CCDC171: variants seen among roughly 807,000 people sequenced by gnomAD.
CCDC171 encodes coiled-coil domain containing 171, also known as coiled-coil domain-containing protein 171.
A neutral mutation model predicts 168.2 loss-of-function variants in CCDC171; 177 were observed. The ratio of observed to expected loss-of-function variants is 1.05; its 90% confidence interval spans 0.93 to 1.19. The LOEUF is 1.19. CCDC171 is among the 50% of genes most tolerant of loss of function. The pLI is 0.00. For synonymous variants in CCDC171, 687 were observed against 540.8 expected, an observed-to-expected ratio of 1.27 and a Z score of -3.75; for missense variants, 1,991 against 1,539.0, an observed-to-expected ratio of 1.29 and a Z score of -4.91.
chr9:15,606,141 A>C (rs2043211036), intron 6 of CCDC171, among the ~76,000 whole-genome samples: 1 of 152,208 alleles, frequency 6.6e-6, no homozygotes. Flanking sequence ...CTCCCACTCT[A>C]AATATCTTAT....
chr9:15,717,632 G>C (rs2134130470), intron 11 of CCDC171, among the ~76,000 whole-genome samples: 1 of 152,302 alleles, frequency 6.6e-6, no homozygotes, highest in South Asian at 2.1e-4. Flanking sequence ...CTTGCAACTT[G>C]GATACCAGCT....
chr9:15,697,854 C>T (rs564504384), intron 11 of CCDC171, among the ~76,000 whole-genome samples: 1 of 152,078 alleles, frequency 6.6e-6, no homozygotes, highest in South Asian at 2.1e-4. Flanking sequence ...TTTTTGTTAC[C>T]TAAAAAATGG....
intron 24 of CCDC171, among the ~76,000 whole-genome samples, chr9:15,887,135 G>T (rs1000715217): frequency 7.2e-5 from 11 of 152,070 alleles, no homozygotes; most frequent in Admixed American, 6.6e-4. Flanking sequence ...ACAAAAGAGG[G>T]TAACTCTGTG....
In CCDC171 at chr9:15,689,080, C is replaced by A. The variant is rs565491559; in HGVS notation, c.1216-6155C>A. 2.7e-3 allele frequency among the ~76,000 whole-genome samples: 403 copies of A among 151,824 alleles called. 1 individual carries two copies. The highest frequency in any genetic ancestry group is 9.5e-3 in the African/African-American group (394 of 41,374). ...TTTCTGTAACTAGCAATGAGCATTC[C>A]AAAAATAAAATTAAGGAAACAATTC... is the stretch of plus-strand genomic sequence containing the variant. On this transcript the variant is annotated intron_variant, in intron 10 of 25. Transcript: ENST00000380701.
At chr9:16,079,090 C>T in the CCDC171 span, among the ~76,000 whole-genome samples, 1 of 152,282 alleles carries the variant, frequency 6.6e-6, no homozygotes, top group East Asian at 1.9e-4. Flanking sequence ...AGAAATCAAG[C>T]TTTTTATTGC....
Position 15,854,663 on chromosome 9 carries a change from G to T in CCDC171, c.3468+5716G>T, listed in dbSNP as rs528664111. On this transcript the variant is annotated intron_variant, in intron 23 of 25. Coordinates refer to ENST00000380701, the MANE Select transcript of CCDC171 (RefSeq NM_173550.4). ...TGCGCTCTCTGTCTCTCTCTTAACTGCTCCAAGCTGGAAGGTTAGGTTATT... is the reference window on the plus strand; with the variant it reads ...TGCGCTCTCTGTCTCTCTCTTAACTTCTCCAAGCTGGAAGGTTAGGTTATT... Among the ~76,000 whole-genome samples the T allele has an allele frequency of 4.0e-5, 6 of 151,516 alleles. No homozygotes were observed. The East Asian group carries it at 1.2e-3, about 29-fold the overall frequency.
At chr9:15,879,946 T>A (rs1818396727) in intron 24 of CCDC171, among the ~76,000 whole-genome samples, 1 of 152,224 alleles carries the variant, frequency 6.6e-6, no homozygotes, top group African/African-American at 2.4e-5. Flanking sequence ...AAGACTTCTA[T>A]TAGCCCTTTA....
At chr9:15,908,072 T>G (rs1000605194) in intron 24 of CCDC171, among the ~76,000 whole-genome samples, 6 of 151,488 alleles carry the variant, frequency 4.0e-5, no homozygotes, top group African/African-American at 1.5e-4. Flanking sequence ...GTAAACTAGT[T>G]CAACCATTGT....
rs186885970 is a variant in CCDC171, at chr9:15,569,480, T to C, written c.42-2144T>C. ...ATTGTTTTTCATTCTGCACCTTTTT[T>C]TAGATTTTGAACTTCTTGGACAGTC... is the stretch of plus-strand genomic sequence containing the variant. On this transcript the variant is annotated intron_variant, in intron 2 of 25. Transcript: ENST00000380701. Among the ~76,000 whole-genome samples, 4 of 152,364 alleles carry C rather than the reference T, an allele frequency of 2.6e-5. No homozygotes were observed. In the East Asian group the frequency reaches 7.7e-4, roughly 29 times the overall value.
chr9:15,809,005 C>G (rs900240105), intron 21 of CCDC171, among the ~76,000 whole-genome samples: 1 of 152,000 alleles, frequency 6.6e-6, no homozygotes, highest in African/African-American at 2.4e-5. Flanking sequence ...CTAGGGAGCT[C>G]TTTGGGCCTT....
chr9:15,559,288 T>G (rs1024106126), intron 1 of CCDC171, among the ~76,000 whole-genome samples: 3 of 152,136 alleles, frequency 2.0e-5, no homozygotes, highest in Non-Finnish European at 4.4e-5. Context: ...TGGATATCCT[T>G]GTTAACTTTC....
At chr9:15,926,618 C>T (rs1825926626) in intron 25 of CCDC171, among the ~76,000 whole-genome samples, 1 of 151,558 alleles carries the variant, frequency 6.6e-6, no homozygotes, top group Admixed American at 6.6e-5. Context: ...CATTCTGACA[C>T]TGTTACTCAT....
At position 15,779,018 on chromosome 9, in the gene CCDC171, G is replaced by A; in HGVS notation, c.2949G>A (p.Leu983=). Residue 983 remains leucine, a synonymous_variant, in exon 20 of 26, where the codon CTG becomes CTA. Coordinates refer to ENST00000380701, the MANE Select transcript of CCDC171 (RefSeq NM_173550.4). The part of the protein sequence containing the change: ...QKQILGFTQR[L]HAAEVERRSL... ...AAATACTTGGATTTACACAAAGACTGCATGCTGCAGAAGTGGAGCGCCGCT... is the reference window on the plus strand; with the variant it reads ...AAATACTTGGATTTACACAAAGACTACATGCTGCAGAAGTGGAGCGCCGCT... 1 of 1,589,258 alleles carries A rather than the reference G, an allele frequency of 6.3e-7. No homozygotes were observed. Among genetic ancestry groups the A allele is most frequent in the South Asian group, 1.2e-5 (1 of 84,242 alleles).
At chr9:16,010,126 T>G (rs985468412) in intron 3 of CCDC171, among the ~76,000 whole-genome samples, 10 of 152,026 alleles carry the variant, frequency 6.6e-5, no homozygotes, top group Non-Finnish European at 1.5e-4. Context: ...TTAAGTAGAG[T>G]AGAAATTGAA....
intron 3 of CCDC171, among the ~76,000 whole-genome samples, chr9:16,003,459 A>G (rs951164557): frequency 1.1e-4 from 17 of 152,196 alleles, no homozygotes; most frequent in Admixed American, 4.6e-4. Flanking sequence ...GCAAAAAGGG[A>G]TGGGAAAGTG....
At chr9:15,832,443 C>G (rs974062776) in intron 21 of CCDC171, among the ~76,000 whole-genome samples, 1 of 152,202 alleles carries the variant, frequency 6.6e-6, no homozygotes, top group African/African-American at 2.4e-5. Context: ...CCCTTCTACA[C>G]ACATAGGCTC....
At chr9:15,917,646 A>C (rs1824705592) in intron 24 of CCDC171, among the ~76,000 whole-genome samples, 1 of 151,904 alleles carries the variant, frequency 6.6e-6, no homozygotes, top group South Asian at 2.1e-4. Context: ...AATATCATTT[A>C]TATTATTTAT....
chr9:15,911,469 G>T (rs986437031), intron 24 of CCDC171, among the ~76,000 whole-genome samples: 2 of 152,138 alleles, frequency 1.3e-5, no homozygotes, highest in African/African-American at 4.8e-5. Flanking sequence ...TGGATAGATT[G>T]CAGTAATTTT....
chr9:15,860,983 AT>A (rs2061534113), intron 23 of CCDC171, among the ~76,000 whole-genome samples: 1 of 137,336 alleles, frequency 7.3e-6, no homozygotes, highest in African/African-American at 2.9e-5. Flanking sequence ...AAATTGTTAT[AT>A]GTTCCTGGAG....
Sources: allele counts gnomAD v4.1 joint callset (sites outside exome capture counted in the v4.1 genomes callset), GRCh38; gene constraint gnomAD v4.1.1; transcripts MANE v1.5; gene names NCBI Gene and HGNC (gene_info 2026-07-23, HGNC 2026-07-21).